ESPL1: variants seen among roughly 807,000 people sequenced by gnomAD.
The protein encoded by ESPL1 is separin.
ESPL1 carries 50 observed loss-of-function variants against 217.2 expected under a neutral mutation model. That is an observed-to-expected ratio of 0.23 (90% CI 0.18 to 0.29). The LOEUF is 0.29. ESPL1 is among the 10% of genes least tolerant of loss of function. ESPL1 has a pLI of 1.00. For missense variants in ESPL1, 1,834 were observed against 2,603.0 expected, an observed-to-expected ratio of 0.70 and a Z score of 6.43; for synonymous variants, 994 against 1,081.3, an observed-to-expected ratio of 0.92 and a Z score of 1.58.
intron 11 of ESPL1, among the ~76,000 whole-genome samples, 171 bp downstream of exon 11, chr12:53,278,131 T>C (rs761695601): frequency 1.3e-5 from 2 of 152,186 alleles, no homozygotes; most frequent in South Asian, 4.1e-4. Context: ...CATTCATTAG[T>C]GTATGGCCTT....
chr12:53,277,213 G>A lies in ESPL1; in HGVS notation c.2071G>A (p.Ala691Thr). 1 of 1,609,484 alleles carries A rather than the reference G, an allele frequency of 6.2e-7. No individual in the cohort carries two copies. Among genetic ancestry groups the A allele is most frequent in the Non-Finnish European group, 8.5e-7 (1 of 1,176,074 alleles). The change falls in exon 9 of 31, where the codon GCC (alanine) becomes ACC (threonine). Residue 691 changes from alanine to threonine, a missense_variant. Physicochemically the swap from Ala to Thr is moderately conservative, Grantham distance 58. Coordinates refer to ENST00000257934, the MANE Select transcript of ESPL1 (RefSeq NM_012291.5). ...LLWLYICTLE[A>T]KMQEGIERDR... ...GTGGCTTTACATCTGTACTCTGGAA[G>A]CCAAAATGCAGGAAGTGAGTGTGGC...
At chr12:53,277,766 G>A in intron 10 of ESPL1, 55 bp from the exon 11 acceptor site, 2 of 1,599,920 alleles carry the variant, frequency 1.3e-6, no homozygotes, top group Non-Finnish European at 1.7e-6. Context: ...AGGAAGGGAA[G>A]TTCTCTCCAG....
intron 11 of ESPL1, 85 bp downstream of exon 11, chr12:53,278,045 C>T (rs1943800968): frequency 2.8e-6 from 4 of 1,410,194 alleles, no homozygotes; most frequent in Non-Finnish European, 3.9e-6. Flanking sequence ...GCCTGTGATC[C>T]TCCTGAGAAG....
intron 8 of ESPL1, 87 bp from the exon 9 acceptor site, chr12:53,276,995 AG>A (rs1943776682): frequency 5.7e-6 from 9 of 1,565,654 alleles, no homozygotes; most frequent in Non-Finnish European, 7.8e-6. Context: ...GCAAAGGGCG[AG>A]GCCAGCTGTT....
At chr12:53,280,321 T>C (rs1478507364) in intron 12 of ESPL1, among the ~76,000 whole-genome samples, 7 of 152,236 alleles carry the variant, frequency 4.6e-5, no homozygotes, top group Non-Finnish European at 8.8e-5. Context: ...CGCTTACGGC[T>C]GCAGTGTTTA....
At position 53,293,402 on chromosome 12, in the gene ESPL1, C is replaced by A. The variant is rs1438960324; in HGVS notation, c.6291C>A (p.Arg2097=). The A allele has an allele frequency of 6.2e-7, 1 of 1,614,152 alleles. No individual in the cohort carries two copies. Among genetic ancestry groups the A allele is most frequent in the East Asian group, 2.2e-5 (1 of 44,882 alleles). Residue 2097 remains arginine, a synonymous_variant, in exon 31 of 31, where the codon CGC becomes CGA. Transcript: ENST00000257934. The surrounding 1 kb of genome is among the most constrained non-coding windows in gnomAD (Gnocchi z 4.2). ...APLLYYVNQA[R]QAPRLKYLIG... The stretch of plus-strand genomic sequence containing the variant: ...TTCTCTACTATGTAAACCAGGCCCG[C>A]CAAGCTCCCCGACTCAAGTATCTTA...
At position 53,283,318 on chromosome 12, in the gene ESPL1, G is replaced by A. The variant is rs926116147; in HGVS notation, c.2920+61G>A. On this transcript the variant is annotated intron_variant, in intron 15 of 30. Transcript: ENST00000257934. ...TGGACAGGCTATGTGAGAGGGCTGC[G>A]GTTTTTTCTCCAGAGGATCCACACT... 5.6e-5 allele frequency: 90 copies of A among 1,610,694 alleles called. No individual in the cohort carries two copies. In the East Asian group the frequency reaches 5.8e-4, roughly 10 times the overall value.
Position 53,289,575 on chromosome 12 carries a change from C to T in ESPL1, c.5094C>T (p.Arg1698=), listed in dbSNP as rs1483785307. ...PQPEKESFQE[R]LALIPSGVTV... Reference sequence around the variant, plus strand: ...CTGAAAAGGAGAGTTTCCAGGAGCGCCTGGCTCTGATCCCCAGTGGTATGC... The same window carrying T: ...CTGAAAAGGAGAGTTTCCAGGAGCGTCTGGCTCTGATCCCCAGTGGTATGC... The change falls in exon 22 of 31, where the codon CGC becomes CGT. Residue 1698 remains arginine (R), a synonymous_variant. Transcript: ENST00000257934. 2.5e-6 allele frequency: 4 copies of T among 1,613,792 alleles called. No homozygotes were observed. The highest frequency in any genetic ancestry group is 3.4e-6 in the Non-Finnish European group (4 of 1,179,992).
At chr12:53,291,387 T>C (rs1379445337) in intron 25 of ESPL1, among the ~76,000 whole-genome samples, 8 of 150,452 alleles carry the variant, frequency 5.3e-5, no homozygotes, top group Non-Finnish European at 1.2e-4. Flanking sequence ...GGTCAAGAGG[T>C]GAAGACCATC....
chr12:53,278,897 C>A (rs929253700), intron 11 of ESPL1, among the ~76,000 whole-genome samples: 13 of 150,722 alleles, frequency 8.6e-5, no homozygotes, highest in African/African-American at 3.2e-4. Context: ...TCCGCCCCGC[C>A]CCCCCGCCGA....
intron 11 of ESPL1, among the ~76,000 whole-genome samples, chr12:53,279,370 G>T (rs1321282013): frequency 6.6e-6 from 1 of 152,184 alleles, no homozygotes; most frequent in Admixed American, 6.5e-5. Flanking sequence ...TTGAGACTTG[G>T]TTCTGCCACA....
Position 53,272,732 on chromosome 12 carries a change from A to G in ESPL1, c.1381A>G (p.Ser461Gly), listed in dbSNP as rs1400149655. Reference protein sequence around the residue: ...DHMGMTASYTSNLAYSFYSHK... With the variant: ...DHMGMTASYTGNLAYSFYSHK... Reference sequence around the variant, plus strand: ...TTTCTCCCCTGCAGCTTCTTACACCAGTAATTTGGCCTACAGCTTCTATAG... The same window carrying G: ...TTTCTCCCCTGCAGCTTCTTACACCGGTAATTTGGCCTACAGCTTCTATAG... The change falls in exon 6 of 31, where the codon AGT becomes GGT. Residue 461 changes from serine to glycine, a missense_variant. By Grantham distance (56) the Ser-to-Gly change is moderately conservative. Coordinates refer to ENST00000257934, the MANE Select transcript of ESPL1 (RefSeq NM_012291.5). 6.2e-7 allele frequency: 1 copy of G among 1,613,846 alleles called. No homozygotes were observed. The highest frequency in any genetic ancestry group is 8.5e-7 in the Non-Finnish European group (1 of 1,179,972).
rs536544934 is a variant in ESPL1 at position 53,287,635 on chromosome 12, G to T, written c.4177-337G>T. 8.7e-5 allele frequency: 16 copies of T among 183,986 alleles called. No homozygotes were observed. The East Asian group carries it at 2.5e-3, about 28-fold the overall frequency. 11.4% of individuals were successfully genotyped at this position (183,986 alleles called of 1,614,324 possible). A position where few individuals can be genotyped will look rare whatever the true frequency, so the allele number is the denominator to read the frequency against. ...CTGCCTCAGCCTCCCAAAGTGCTGG[G>T]ATTACAGACGTGAGCCACTGTGCCA... On this transcript the variant is annotated intron_variant, in intron 18 of 30. Coordinates refer to ENST00000257934, the MANE Select transcript of ESPL1 (RefSeq NM_012291.5).
At chr12:53,283,703 T>C (rs1205858059) in intron 16 of ESPL1, among the ~76,000 whole-genome samples, 165 bp downstream of exon 16, 1 of 152,198 alleles carries the variant, frequency 6.6e-6, no homozygotes, top group African/African-American at 2.4e-5. Context: ...TAATCAAGGT[T>C]AGATGTTTTT....
chr12:53,269,084 C>A lies in ESPL1; in HGVS notation c.142C>A (p.Gln48Lys), dbSNP rs1943619271. Reference protein sequence around the residue: ...PSSRSDAERRQACDAILRACN... With the variant: ...PSSRSDAERRKACDAILRACN... The stretch of plus-strand genomic sequence containing the variant: ...CAGCCGATCTGATGCTGAGAGGAGA[C>A]AAGCTTGTGATGCCATCCTGAGGGC... Residue 48 changes from glutamine to lysine, a missense_variant, in exon 3 of 31, where the codon CAA (glutamine) becomes AAA (lysine). Gln to Lys is a moderately conservative substitution (Grantham distance 53). Transcript: ENST00000257934. The surrounding 1 kb of genome is among the most constrained non-coding windows in gnomAD (Gnocchi z 6.7). The A allele has an allele frequency of 6.2e-7, 1 of 1,613,890 alleles. No individual in the cohort carries two copies. Among genetic ancestry groups the A allele is most frequent in the South Asian group, 1.1e-5 (1 of 91,078 alleles).
chr12:53,293,354 T>C lies in ESPL1; in HGVS notation c.6243T>C (p.Leu2081=). ...CGGAAGCTCTGCTGCAAGGCTGGCTTGGAGCAGGCCCAGGGGCCCCCCTTC... is the reference window on the plus strand; with the variant it reads ...CGGAAGCTCTGCTGCAAGGCTGGCTCGGAGCAGGCCCAGGGGCCCCCCTTC... ...RYTEALLQGW[L]GAGPGAPLLY... Residue 2081 remains leucine, a synonymous_variant, in exon 31 of 31, where the codon CTT becomes CTC. Coordinates refer to ENST00000257934, the MANE Select transcript of ESPL1 (RefSeq NM_012291.5). This position sits in a 1 kb window ranked among gnomAD's most constrained non-coding sequence, Gnocchi z 4.2. The C allele has an allele frequency of 6.2e-7, 1 of 1,614,224 alleles. No homozygotes were observed. Among genetic ancestry groups the C allele is most frequent in the Non-Finnish European group, 8.5e-7 (1 of 1,180,042 alleles).
intron 1 of ESPL1, 36 bp from the exon 2 acceptor site, chr12:53,268,719 T>C: frequency 7.7e-7 from 1 of 1,301,878 alleles, no homozygotes; most frequent in Non-Finnish European, 1.1e-6. Context: ...GTTAGCTTCA[T>C]TAACAATCTT....
rs186084325 is a variant in ESPL1, at chr12:53,287,134, G to A, written c.4176+222G>A. 35 of 425,676 alleles carry A rather than the reference G, an allele frequency of 8.2e-5. No individual in the cohort carries two copies. The Admixed American group carries it at 1.1e-3, about 14-fold the overall frequency. 26.4% of individuals were successfully genotyped at this position (425,676 alleles called of 1,614,324 possible). On this transcript the variant is annotated intron_variant, in intron 18 of 30. Transcript: ENST00000257934. ...GTCGCCCAGGCTGGAGTGCAGTGGC[G>A]CAATCTCAGCTCACTGCAAGCTCCG...
rs531154116 is a variant in ESPL1, at chr12:53,273,405, G to C, written c.1506+548G>C. Among the ~76,000 whole-genome samples the C allele has an allele frequency of 3.3e-5, 5 of 152,130 alleles. No individual in the cohort carries two copies. The South Asian group carries it at 1.0e-3, about 32-fold the overall frequency. ...TGGTTTCCAGCCAAGCTGCACATTA[G>C]AATCACCTGAGTGACCTTTAAGAAA... On this transcript the variant is annotated intron_variant, in intron 6 of 30. Coordinates refer to ENST00000257934, the MANE Select transcript of ESPL1 (RefSeq NM_012291.5).
Sources: gnomAD v4.1 joint callset for allele counts (sites outside exome capture counted in the v4.1 genomes callset) on GRCh38, gnomAD v4.1.1 for gene constraint, Gnocchi (gnomAD v3.1) non-coding constraint, MANE v1.5 for transcripts, NCBI Gene and HGNC (gene_info 2026-07-23, HGNC 2026-07-21) for gene names.